MRPL44: variants seen among roughly 807,000 people sequenced by gnomAD.
MRPL44 encodes large ribosomal subunit protein mL44.
MRPL44 carries 21 observed loss-of-function variants against 25.9 expected under a neutral mutation model. The ratio of observed to expected loss-of-function variants is 0.81; its 90% CI spans 0.58 to 1.17. The LOEUF (loss-of-function observed/expected upper bound fraction) is 1.17, where lower values mean the gene tolerates loss of function less well. MRPL44 is among the 50% of genes most tolerant of loss of function. The pLI, the probability that MRPL44 is intolerant of heterozygous loss-of-function variation, is 0.00. For synonymous variants in MRPL44, 169 were observed against 151.0 expected, an observed-to-expected ratio of 1.12 and a Z score of -0.87; for missense variants, 410 against 398.9, an observed-to-expected ratio of 1.03 and a Z score of -0.24.
chr2:223,964,040 A>T, intron 3 of MRPL44, 106 bp downstream of exon 3: 1 of 849,758 alleles, frequency 1.2e-6, no homozygotes, highest in Non-Finnish European at 1.8e-6. Flanking sequence ...GAATGTTAAC[A>T]TAACCTCTTC....
chr2:223,967,106 C>A lies in MRPL44; in HGVS notation c.*72C>A. On this transcript the variant is annotated 3_prime_UTR_variant, in exon 4 of 4. Coordinates refer to ENST00000258383, the MANE Select transcript of MRPL44 (RefSeq NM_022915.5). ...AATGTCAAAGGTGTTTCAAGCCAGA[C>A]ATTTTCACAATTGTGAAGAAATAGA... is the stretch of plus-strand genomic sequence containing the variant. The A allele has an allele frequency of 7.3e-7, 1 of 1,367,440 alleles. No individual in the cohort carries two copies. The highest frequency in any genetic ancestry group is 9.9e-7 in the Non-Finnish European group (1 of 1,013,480). 84.7% of individuals were successfully genotyped at this position (1,367,440 alleles called of 1,614,324 possible).
upstream of MRPL44, among the ~76,000 whole-genome samples, chr2:223,952,494 T>C (rs1343946321): frequency 6.6e-6 from 1 of 152,230 alleles, no homozygotes; most frequent in Non-Finnish European, 1.5e-5. Flanking sequence ...GTTTCTTTCT[T>C]GGAACCATCT....
chr2:223,967,060 CT>C lies in MRPL44; in HGVS notation c.*28del, dbSNP rs750264724. ...CCGCCATGGATGCAGCAGCCTGAAA[CT>C]TGAGAGCGAAAGTGAGATAAATGTC... On this transcript the variant is annotated 3_prime_UTR_variant, in exon 4 of 4. Coordinates refer to ENST00000258383, the MANE Select transcript of MRPL44 (RefSeq NM_022915.5). 6 of 1,566,690 alleles carry C rather than the reference CT, an allele frequency of 3.8e-6. No homozygotes were observed. In the East Asian group the frequency reaches 1.4e-4, roughly 36 times the overall value.
upstream of MRPL44, among the ~76,000 whole-genome samples, chr2:223,952,921 CTTAAA>C (rs1282845873): frequency 6.6e-6 from 1 of 152,040 alleles, no homozygotes; most frequent in East Asian, 1.9e-4. Flanking sequence ...CAGTTAAACT[CTTAAA>C]TTTAATTTGT....
At chr2:223,955,216 A>G (rs1358393012), upstream of MRPL44, among the ~76,000 whole-genome samples, 1 of 152,184 alleles carries the variant, frequency 6.6e-6, no homozygotes, top group Admixed American at 6.5e-5. Context: ...CATCAAGTCA[A>G]ATTTTCCAAA....
chr2:223,963,236 G>C (rs1053345458), intron 2 of MRPL44, among the ~76,000 whole-genome samples: 1 of 152,064 alleles, frequency 6.6e-6, no homozygotes, highest in Non-Finnish European at 1.5e-5. Flanking sequence ...TTGAGGCCAG[G>C]AGTCGAGACT....
At position 223,966,989 on chromosome 2, in the gene MRPL44, G is replaced by A. The variant is rs752230217; in HGVS notation, c.954G>A (p.Lys318=). 21 of 1,613,818 alleles carry A rather than the reference G, an allele frequency of 1.3e-5. No homozygotes were observed. Among genetic ancestry groups the A allele is most frequent in the East Asian group, 2.2e-5 (1 of 44,876 alleles). Residue 318 remains lysine, a synonymous_variant, in exon 4 of 4, where the codon AAG becomes AAA. Coordinates refer to ENST00000258383, the MANE Select transcript of MRPL44 (RefSeq NM_022915.5). ...ATAGACGGCCGTGGAACTATTCCAA[G>A]CCCAAAGAAACCTTGAGAGCAGAAA... The part of the protein sequence containing the change: ...TENRRPWNYS[K]PKETLRAEKS...
chr2:223,961,752 C>T (rs1376878507), intron 2 of MRPL44, among the ~76,000 whole-genome samples: 2 of 152,130 alleles, frequency 1.3e-5, no homozygotes, highest in Non-Finnish European at 2.9e-5. Context: ...TTGGAGTATT[C>T]AACTCAAACC....
chr2:223,951,841 C>T, the MRPL44 span, among the ~76,000 whole-genome samples: 3 of 152,068 alleles, frequency 2.0e-5, no homozygotes, highest in African/African-American at 4.8e-5. Context: ...ACTCTAAATA[C>T]CTGTGTCATG....
chr2:223,962,115 C>T (rs560890084), intron 2 of MRPL44, among the ~76,000 whole-genome samples: 6 of 152,244 alleles, frequency 3.9e-5, no homozygotes, highest in African/African-American at 1.4e-4. Context: ...TCACTGCAGC[C>T]TCGACTTCCT....
rs113422842 is a variant in MRPL44 at position 223,957,512 on chromosome 2, C to T, written c.40C>T (p.Arg14Cys). 3.4e-4 allele frequency: 544 copies of T among 1,614,114 alleles called. 4 individuals carry two copies. The African/African-American group carries it at 6.1e-3, about 18-fold the overall frequency. Reference protein sequence around the residue: ...GLVRLLQQGHRCLLAPVAPKL... With the variant: ...GLVRLLQQGHCCLLAPVAPKL... ...GGTAAGATTGCTGCAGCAGGGACAT[C>T]GCTGCCTCCTGGCTCCAGTCGCCCC... is the stretch of plus-strand genomic sequence containing the variant. Residue 14 changes from arginine (R) to cysteine (C), a missense_variant, in exon 1 of 4, where the codon CGC becomes TGC. Coordinates refer to ENST00000258383, the MANE Select transcript of MRPL44 (RefSeq NM_022915.5).
Position 223,959,542 on chromosome 2 carries a change from A to G in MRPL44, c.188A>G (p.Lys63Arg), listed in dbSNP as rs1689622954. The stretch of plus-strand genomic sequence containing the variant: ...TGTCTTTACATTTTCAGTTCAGAGA[A>G]GCCGAACTGGGATTACCATGCAGAA... The part of the protein sequence containing the change: ...CPPPPVRRSE[K>R]PNWDYHAEIQ... The change falls in exon 2 of 4, where the codon AAG becomes AGG. Residue 63 changes from lysine to arginine, a missense_variant. Coordinates refer to ENST00000258383, the MANE Select transcript of MRPL44 (RefSeq NM_022915.5). The G allele has an allele frequency of 6.2e-7, 1 of 1,604,700 alleles. No homozygotes were observed. Among genetic ancestry groups the G allele is most frequent in the Non-Finnish European group, 8.5e-7 (1 of 1,176,010 alleles).
chr2:223,951,940 AG>A, the MRPL44 span, among the ~76,000 whole-genome samples: 1 of 152,250 alleles, frequency 6.6e-6, no homozygotes, highest in African/African-American at 2.4e-5. Flanking sequence ...TATTGTAATA[AG>A]TTCTTACCTT....
At chr2:223,961,939 T>C (rs1484210002) in intron 2 of MRPL44, among the ~76,000 whole-genome samples, 3 of 152,202 alleles carry the variant, frequency 2.0e-5, no homozygotes, top group Admixed American at 6.5e-5. Context: ...ATATGACAGA[T>C]AGCAGTTCAG....
upstream of MRPL44, chr2:223,957,278 T>A (rs1344424413): frequency 1.9e-5 from 12 of 635,052 alleles, no homozygotes; most frequent in Non-Finnish European, 3.0e-5. Context: ...AGCGCAAGCG[T>A]AGCCTCAAGG....
chr2:223,955,374 G>C (rs1418936796), upstream of MRPL44, among the ~76,000 whole-genome samples: 1 of 152,128 alleles, frequency 6.6e-6, no homozygotes, highest in East Asian at 1.9e-4. Context: ...TTGTGAGTTG[G>C]ATTAAAGGCC....
chr2:223,960,403 C>A (rs935310637), intron 2 of MRPL44, among the ~76,000 whole-genome samples: 3 of 152,144 alleles, frequency 2.0e-5, no homozygotes, highest in Non-Finnish European at 4.4e-5. Flanking sequence ...ATTTCAAGTC[C>A]CTCTAATGTA....
intron 2 of MRPL44, among the ~76,000 whole-genome samples, chr2:223,962,517 T>G (rs1308851559): frequency 6.6e-6 from 1 of 152,196 alleles, no homozygotes; most frequent in Non-Finnish European, 1.5e-5. Flanking sequence ...TTGGAATATG[T>G]AAATTGCTGT....
At chr2:223,956,682 C>A (rs1341767292), upstream of MRPL44, among the ~76,000 whole-genome samples, 2 of 152,204 alleles carry the variant, frequency 1.3e-5, no homozygotes, top group Non-Finnish European at 2.9e-5. Flanking sequence ...GAAAGCATTG[C>A]CCCTTTGAGG....
Sources: allele counts gnomAD v4.1 joint callset (sites outside exome capture counted in the v4.1 genomes callset), GRCh38; gene constraint gnomAD v4.1.1; transcripts MANE v1.5; gene names NCBI Gene and HGNC (gene_info 2026-07-23, HGNC 2026-07-21).